KCNU1: variants seen among roughly 807,000 people sequenced by gnomAD.
KCNU1 encodes the protein potassium calcium-activated channel subfamily U member 1.
A neutral mutation model predicts 126.8 loss-of-function variants in KCNU1; 93 were observed. The ratio of observed to expected loss-of-function variants is 0.73; its 90% confidence interval spans 0.62 to 0.87. The LOEUF is 0.87. Ranked by LOEUF, KCNU1 falls within the 40% of genes least tolerant of loss-of-function variation. The pLI is 0.00. For missense variants in KCNU1, 1,330 were observed against 1,367.1 expected (o/e 0.97, Z 0.43); for synonymous variants, 523 against 494.2 (o/e 1.06, Z -0.77).
chr8:36,817,736 A>G lies in KCNU1; in HGVS notation c.1082A>G (p.Asn361Ser), dbSNP rs771304434. 1 of 1,604,746 alleles carries G rather than the reference A, an allele frequency of 6.2e-7. No homozygotes were observed. Among genetic ancestry groups the G allele is most frequent in the East Asian group, 2.2e-5 (1 of 44,792 alleles). ...CTCCGCGACAAGTCAGGAGAGATCA[A>G]CACTGAAATTGTTTTCCTGGGAGAG... Reference protein sequence around the residue: ...NFLRDKSGEINTEIVFLGETP... With the variant: ...NFLRDKSGEISTEIVFLGETP... Residue 361 changes from asparagine to serine, a missense_variant, in exon 10 of 27, where the codon AAC (asparagine) becomes AGC (serine). Physicochemically the swap from Asn to Ser is conservative, Grantham distance 46. Coordinates refer to ENST00000399881, the MANE Select transcript of KCNU1 (RefSeq NM_001031836.3).
chr8:36,912,747 G>A (rs1260248607), intron 22 of KCNU1, among the ~76,000 whole-genome samples: 2 of 151,808 alleles, frequency 1.3e-5, no homozygotes, highest in African/African-American at 4.8e-5. Context: ...CGAGGTGGGG[G>A]GATCACAAGG....
At chr8:36,802,108 CAAAAAAAAAA>C (rs749026223) in intron 2 of KCNU1, among the ~76,000 whole-genome samples, 2 of 72,358 alleles carry the variant, frequency 2.8e-5, no homozygotes, top group Non-Finnish European at 5.5e-5. Flanking sequence ...AACTCCGTCT[CAAAAAAAAAA>C]AAAAAAAAAA....
In KCNU1 at chr8:36,814,111, G is replaced by T. The variant is rs1385458136; in HGVS notation, c.733-96G>T. 11 of 858,002 alleles carry T rather than the reference G, an allele frequency of 1.3e-5. No individual in the cohort carries two copies. The East Asian group carries it at 2.6e-4, about 20-fold the overall frequency. The allele number at this position is 858,002 out of a possible 1,614,324, so 53.1% of individuals were successfully genotyped here. On this transcript the variant is annotated intron_variant, in intron 7 of 26. Transcript: ENST00000399881. ...AGCCATTTGGTATTTCATTTGGATT[G>T]AATGAAGTGCAATTAATCTAATGTT...
intron 16 of KCNU1, among the ~76,000 whole-genome samples, chr8:36,841,486 G>A (rs1475022780): frequency 6.6e-6 from 1 of 152,158 alleles, no homozygotes; most frequent in Non-Finnish European, 1.5e-5. Flanking sequence ...AAGGCCAGGA[G>A]TTCAAGAGCA....
At chr8:36,911,215 A>C in intron 22 of KCNU1, 96 bp downstream of exon 22, 1 of 1,014,940 alleles carries the variant, frequency 9.9e-7, no homozygotes, top group South Asian at 1.8e-5. Context: ...GGGGAGCAGG[A>C]GGGTGGGCCA....
intron 2 of KCNU1, among the ~76,000 whole-genome samples, chr8:36,794,546 A>G (rs780596680): frequency 2.6e-5 from 4 of 152,046 alleles, no homozygotes; most frequent in Admixed American, 6.6e-5. Context: ...ATATGAACAT[A>G]TCACATGCTA....
At position 36,877,845 on chromosome 8, in the gene KCNU1, C is replaced by T. The variant is rs138481067; in HGVS notation, c.2009+13324C>T. Among the ~76,000 whole-genome samples, 19 of 152,258 alleles carry T rather than the reference C, an allele frequency of 1.2e-4. No homozygotes were observed. In the East Asian group the frequency reaches 3.7e-3, roughly 29 times the overall value. On this transcript the variant is annotated intron_variant, in intron 19 of 26. Coordinates refer to ENST00000399881, the MANE Select transcript of KCNU1 (RefSeq NM_001031836.3). ...CTTAACAATGCCCGTTATCATATAG[C>T]TCCTATCTCTCAAAAGCCCTCTAAA...
intron 18 of KCNU1, among the ~76,000 whole-genome samples, chr8:36,850,480 A>T (rs1805302628): frequency 6.7e-6 from 1 of 148,666 alleles, no homozygotes; most frequent in African/African-American, 2.5e-5. Flanking sequence ...CCTTTGGGAC[A>T]GGGTCTCACT....
chr8:36,874,568 T>A (rs1386566408), intron 19 of KCNU1, among the ~76,000 whole-genome samples: 2 of 152,200 alleles, frequency 1.3e-5, no homozygotes, highest in East Asian at 3.9e-4. Flanking sequence ...CTTGGTGGCA[T>A]CATCCCTGAG....
At chr8:36,881,148 C>T (rs908369484) in intron 19 of KCNU1, among the ~76,000 whole-genome samples, 1 of 152,214 alleles carries the variant, frequency 6.6e-6, no homozygotes, top group Non-Finnish European at 1.5e-5. Flanking sequence ...GCCACTAAAC[C>T]TTTCGGGAGC....
intron 16 of KCNU1, among the ~76,000 whole-genome samples, chr8:36,843,460 C>A (rs1358771988): frequency 2.6e-5 from 4 of 152,200 alleles, no homozygotes; most frequent in African/African-American, 9.7e-5. Flanking sequence ...ATCCTCACAA[C>A]AGTGCTGTGA....
chr8:36,857,099 C>T (rs1805553266), intron 18 of KCNU1, among the ~76,000 whole-genome samples: 1 of 152,196 alleles, frequency 6.6e-6, no homozygotes, highest in African/African-American at 2.4e-5. Flanking sequence ...GAAAAGAAGA[C>T]CTCCTCTGTT....
intron 19 of KCNU1, among the ~76,000 whole-genome samples, chr8:36,882,557 G>A (rs1427396716): frequency 1.3e-5 from 2 of 152,018 alleles, no homozygotes; most frequent in Admixed American, 6.6e-5. Context: ...GCAGCACTGA[G>A]CCCCCATAGG....
chr8:36,923,688 C>T (rs1420112324), intron 24 of KCNU1, among the ~76,000 whole-genome samples: 1 of 152,180 alleles, frequency 6.6e-6, no homozygotes, highest in East Asian at 1.9e-4. Flanking sequence ...ATATTTATCC[C>T]TTATGCATTT....
chr8:36,803,968 C>A, intron 2 of KCNU1, 59 bp from the exon 3 acceptor site: 1 of 1,143,770 alleles, frequency 8.7e-7, no homozygotes, highest in South Asian at 1.3e-5. Flanking sequence ...ACACTTTTGT[C>A]GATTTATTTA....
intron 10 of KCNU1, among the ~76,000 whole-genome samples, chr8:36,825,702 A>G (rs963724323): frequency 6.6e-6 from 1 of 152,176 alleles, no homozygotes; most frequent in Non-Finnish European, 1.5e-5. Flanking sequence ...AAAACTTTTA[A>G]ATTTTCCTTA....
At position 36,909,946 on chromosome 8, in the gene KCNU1, T is replaced by C. The variant is rs1375300957; in HGVS notation, c.2331+411T>C. On this transcript the variant is annotated intron_variant, in intron 21 of 26. Transcript: ENST00000399881. The stretch of plus-strand genomic sequence containing the variant: ...CTGGCCAGCATTTGTGCTCTAGCTT[T>C]TTCATCTTTTCTGGAGACATTTTAT... Among the ~76,000 whole-genome samples the C allele has an allele frequency of 2.0e-5, 3 of 152,302 alleles. No individual in the cohort carries two copies. The East Asian group carries it at 5.8e-4, about 29-fold the overall frequency.
At chr8:36,793,375 AAAAT>A (rs772199950) in intron 2 of KCNU1, among the ~76,000 whole-genome samples, 8 of 151,744 alleles carry the variant, frequency 5.3e-5, no homozygotes, top group Admixed American at 3.3e-4. Context: ...AAATAAAATA[AAAAT>A]AAATAAATAA....
chr8:36,790,717 C>G (rs2130337155), intron 2 of KCNU1, among the ~76,000 whole-genome samples: 1 of 151,800 alleles, frequency 6.6e-6, no homozygotes, highest in African/African-American at 2.4e-5. Flanking sequence ...CCTTTTTGCC[C>G]CTTCGATGAG....
Sources: gnomAD v4.1 joint callset for allele counts (sites outside exome capture counted in the v4.1 genomes callset) on GRCh38, gnomAD v4.1.1 for gene constraint, MANE v1.5 for transcripts, NCBI Gene and HGNC (gene_info 2026-07-23, HGNC 2026-07-21) for gene names.